The following LRGUK variants were observed in gnomAD, a reference collection of about 807,000 sequenced individuals.
LRGUK encodes the protein leucine rich repeats and guanylate kinase domain containing, also known as leucine-rich repeat and guanylate kinase domain-containing protein.
Under a neutral mutation model 76.0 loss-of-function variants are expected in LRGUK, and 65 were observed. The ratio of observed to expected loss-of-function variants is 0.85; its 90% confidence interval spans 0.70 to 1.05. The LOEUF (loss-of-function observed/expected upper bound fraction) is 1.05. LRGUK is among the 50% of genes least tolerant of loss of function. LRGUK has a pLI of 0.00. For missense variants in LRGUK, 758 were observed against 732.8 expected, an observed-to-expected ratio of 1.03 and a Z score of -0.40; for synonymous variants, 268 against 265.6, an observed-to-expected ratio of 1.01 and a Z score of -0.09.
chr7:134,226,744 C>T (rs1253720400), intron 16 of LRGUK, among the ~76,000 whole-genome samples: 1 of 152,176 alleles, frequency 6.6e-6, no homozygotes, highest in Non-Finnish European at 1.5e-5. Context: ...ATAATAATAC[C>T]TATCTTACAA....
At chr7:134,186,699 G>C (rs944175747) in intron 11 of LRGUK, among the ~76,000 whole-genome samples, 2 of 152,224 alleles carry the variant, frequency 1.3e-5, no homozygotes, top group African/African-American at 4.8e-5. Context: ...GCTAGTCCCT[G>C]AGGGTAGAGC....
At chr7:134,239,491 G>A (rs139109516) in intron 16 of LRGUK, among the ~76,000 whole-genome samples, 3 of 152,216 alleles carry the variant, frequency 2.0e-5, no homozygotes, top group South Asian at 2.1e-4. Context: ...AGGTGGCAGC[G>A]AGGCTGGGGG....
At chr7:134,265,045 C>A (rs1802831847), downstream of LRGUK, among the ~76,000 whole-genome samples, 1 of 152,058 alleles carries the variant, frequency 6.6e-6, no homozygotes, top group African/African-American at 2.4e-5. Context: ...AAGTTCCTTT[C>A]TTGGGGTTGG....
chr7:134,139,530 C>T lies in LRGUK; in HGVS notation c.487+13C>T. 6.5e-7 allele frequency: 1 copy of T among 1,527,950 alleles called. No individual in the cohort carries two copies. Among genetic ancestry groups the T allele is most frequent in the Non-Finnish European group, 9.0e-7 (1 of 1,105,232 alleles). The allele number at this position is 1,527,950 out of a possible 1,614,324, so 94.6% of individuals were successfully genotyped here. A position where few individuals can be genotyped will look rare whatever the true frequency, so the allele number is the denominator to read the frequency against. On this transcript the variant is annotated intron_variant, in intron 3 of 15. Coordinates refer to ENST00000645682, the Ensembl canonical transcript of LRGUK. ...AATAAAATTGAAGGTATGTAATTGTCATTCTAGATTGATCACTGAATTATC... is the reference window on the plus strand; with the variant it reads ...AATAAAATTGAAGGTATGTAATTGTTATTCTAGATTGATCACTGAATTATC...
chr7:134,214,074 T>A (rs1011482336), downstream of LRGUK, among the ~76,000 whole-genome samples: 3 of 152,240 alleles, frequency 2.0e-5, no homozygotes. Context: ...CTCAAATATT[T>A]AAAGAGCTAA....
chr7:134,148,244 G>A (rs1287602886), exon 5 of LRGUK: 3 of 1,601,402 alleles, frequency 1.9e-6, no homozygotes, highest in Non-Finnish European at 2.6e-6. Context: ...CCAGAAGGCG[G>A]ATTTTTCCCA....
chr7:134,209,318 A>G, exon 16 of LRGUK: 1 of 399,364 alleles, frequency 2.5e-6, no homozygotes, highest in Non-Finnish European at 4.4e-6. Flanking sequence ...TCCACCCAGC[A>G]GTTCCCACCA....
At chr7:134,143,162 G>A in exon 4 of LRGUK, 1 of 1,574,782 alleles carries the variant, frequency 6.4e-7, no homozygotes, top group Non-Finnish European at 8.7e-7. Flanking sequence ...AAAACCTCAA[G>A]GTAGACTTTA....
chr7:134,191,655 G>A, exon 12 of LRGUK: 1 of 1,602,606 alleles, frequency 6.2e-7, no homozygotes, highest in South Asian at 1.1e-5. Flanking sequence ...ATGATTTCAG[G>A]GCCTGTCATA....
chr7:134,167,555 C>A (rs1025142639), intron 7 of LRGUK, among the ~76,000 whole-genome samples: 1 of 152,130 alleles, frequency 6.6e-6, no homozygotes, highest in Non-Finnish European at 1.5e-5. Flanking sequence ...CTTGGTTAGG[C>A]CAGCTACGCA....
downstream of LRGUK, among the ~76,000 whole-genome samples, chr7:134,268,717 C>CTTTTTTTTTTTTTTTT (rs71531815): frequency 1.7e-5 from 1 of 57,324 alleles, no homozygotes; most frequent in Non-Finnish European, 3.1e-5. Flanking sequence ...TGCAAAAAAT[C>CTTTTTTTTTTTTTTTT]TTTTTTTTTT....
rs143139827 is a variant in LRGUK, at chr7:134,247,114, C to T, written c.1984-442C>T. Among the ~76,000 whole-genome samples, 755 of 152,230 alleles carry T rather than the reference C, an allele frequency of 5.0e-3. 10 individuals carry two copies. The highest frequency in any genetic ancestry group is 0.017 in the African/African-American group (717 of 41,544). On this transcript the variant is annotated intron_variant, in intron 16 of 19. Transcript: ENST00000285928. ...TATTTGTGAAATAATGAGAGAAAGA[C>T]CGCCCCCATAAATTTTTCCTATTTC...
chr7:134,232,506 C>T (rs142094448), intron 16 of LRGUK, among the ~76,000 whole-genome samples: 164 of 152,234 alleles, frequency 1.1e-3, no homozygotes, highest in African/African-American at 3.7e-3. Flanking sequence ...CCTCGAACTC[C>T]TGACCTCGTG....
At chr7:134,224,208 A>T (rs970778674) in intron 16 of LRGUK, among the ~76,000 whole-genome samples, 1 of 152,176 alleles carries the variant, frequency 6.6e-6, no homozygotes, top group Non-Finnish European at 1.5e-5. Context: ...AAACCTTCAG[A>T]CCACTAAATC....
chr7:134,132,409 T>TG (rs1192736056), intron 1 of LRGUK, among the ~76,000 whole-genome samples: 1 of 151,836 alleles, frequency 6.6e-6, no homozygotes, highest in Non-Finnish European at 1.5e-5. Flanking sequence ...ATAGGTTAAG[T>TG]GGGAAGAGGC....
At chr7:134,135,857 C>T (rs555706286) in intron 1 of LRGUK, among the ~76,000 whole-genome samples, 16 of 152,264 alleles carry the variant, frequency 1.1e-4, no homozygotes, top group Admixed American at 4.6e-4. Flanking sequence ...GGGGTTTCAC[C>T]GTGTTAGCCA....
At position 134,263,822 on chromosome 7, in the gene LRGUK, C is replaced by CT. The variant is rs775004012; in HGVS notation, c.2348-16dup. On this transcript the variant is annotated intron_variant, in intron 19 of 19. Transcript: ENST00000285928. ...ACCAAGAAACCAAGGGATTAACTATCTTTTTTTCTGAATGTTTTACAGCAC... is the reference window on the plus strand; with the variant it reads ...ACCAAGAAACCAAGGGATTAACTATCTTTTTTTTCTGAATGTTTTACAGCAC... 2,878 of 1,590,812 alleles carry CT rather than the reference C, an allele frequency of 1.8e-3. 4 individuals carry two copies. Among genetic ancestry groups the CT allele is most frequent in the Non-Finnish European group, 2.3e-3 (2,656 of 1,168,646 alleles).
At chr7:134,144,194 G>A (rs1007468919) in intron 4 of LRGUK, among the ~76,000 whole-genome samples, 11 of 152,074 alleles carry the variant, frequency 7.2e-5, no homozygotes, top group Admixed American at 2.6e-4. Context: ...GTGCAGTGGC[G>A]CAATCTTGTC....
chr7:134,210,870 A>G (rs886146513), downstream of LRGUK, among the ~76,000 whole-genome samples: 2 of 152,222 alleles, frequency 1.3e-5, no homozygotes, highest in Non-Finnish European at 2.9e-5. Context: ...CCACAGGACA[A>G]AAGCCCCGCC....
Sources: gnomAD v4.1 joint callset for allele counts (sites outside exome capture counted in the v4.1 genomes callset) on GRCh38, gnomAD v4.1.1 for gene constraint, MANE v1.5 for transcripts, NCBI Gene and HGNC (gene_info 2026-07-23, HGNC 2026-07-21) for gene names.